Variants in TUSC3 observed in about 807,000 individuals in gnomAD.
TUSC3 encodes the protein tumor suppressor candidate 3, also known as dolichyl-diphosphooligosaccharide--protein glycosyltransferase subunit TUSC3.
Under a neutral mutation model 44.8 loss-of-function variants are expected in TUSC3, and 45 were observed. The observed-to-expected ratio is 1.00, with a 90% CI of 0.79 to 1.29. The LOEUF is 1.29. TUSC3 is among the 50% of genes most tolerant of loss of function. The probability of loss-of-function intolerance (pLI) is 0.00; values close to 1 mark genes in which losing one functional copy is unlikely to be tolerated. For synonymous variants in TUSC3, 212 were observed against 152.9 expected (o/e 1.39, Z -2.85); for missense variants, 519 against 437.9 (o/e 1.19, Z -1.65).
downstream of TUSC3, among the ~76,000 whole-genome samples, chr8:15,767,864 G>A (rs1313446571): frequency 6.6e-6 from 1 of 152,164 alleles, no homozygotes; most frequent in East Asian, 1.9e-4. Flanking sequence ...GACATACACT[G>A]AAAGCCTGGA....
chr8:15,566,043 AG>A (rs1802656863), intron 1 of TUSC3, among the ~76,000 whole-genome samples: 1 of 152,160 alleles, frequency 6.6e-6, no homozygotes, highest in South Asian at 2.1e-4. Context: ...GATTCAGAGT[AG>A]TACATTTTCC....
rs565992197 is a variant in TUSC3, at chr8:15,601,643, T to A, written c.139-21437T>A. Among the ~76,000 whole-genome samples, 7 of 151,820 alleles carry A rather than the reference T, an allele frequency of 4.6e-5. 1 individual carries two copies. Among genetic ancestry groups the A allele is most frequent in the Middle Eastern group, 3.4e-3 (1 of 294 alleles). On this transcript the variant is annotated intron_variant, in intron 1 of 10. Coordinates refer to ENST00000503731, the MANE Select transcript of TUSC3 (RefSeq NM_006765.4). ...TTAAGTTTATTACCTATTTATAAAATCTATTCTGTAGCAATAGGGCCATTG... is the reference window on the plus strand; with the variant it reads ...TTAAGTTTATTACCTATTTATAAAAACTATTCTGTAGCAATAGGGCCATTG...
intron 6 of TUSC3, among the ~76,000 whole-genome samples, chr8:15,718,346 A>G (rs141325777): frequency 2.2e-4 from 34 of 152,250 alleles, no homozygotes; most frequent in African/African-American, 7.2e-4. Context: ...AGCTTAGGTC[A>G]TTAGAAGAAT....
chr8:15,540,252 G>A (rs1301368558), upstream of TUSC3: 15 of 867,758 alleles, frequency 1.7e-5, no homozygotes, highest in African/African-American at 1.8e-5. Context: ...CGGTGAACCG[G>A]ATGCTCTGTC....
chr8:15,418,321 A>T (rs1563245877), intron 1 of TUSC3, among the ~76,000 whole-genome samples: 1 of 152,200 alleles, frequency 6.6e-6, no homozygotes, highest in Non-Finnish European at 1.5e-5. Context: ...GGTCCTTTTT[A>T]AAATATATGT....
At chr8:15,622,257 A>G (rs1251891793) in intron 1 of TUSC3, among the ~76,000 whole-genome samples, 1 of 152,118 alleles carries the variant, frequency 6.6e-6, no homozygotes, top group African/African-American at 2.4e-5. Context: ...TGTTCAAGTA[A>G]GATGAATGTT....
the TUSC3 span, among the ~76,000 whole-genome samples, chr8:15,779,681 A>G: frequency 9.2e-5 from 14 of 152,206 alleles, 1 homozygote; most frequent in Admixed American, 8.5e-4. Context: ...GAGTATCAAA[A>G]GTTAGTCTTT....
intron 1 of TUSC3, among the ~76,000 whole-genome samples, chr8:15,461,018 T>G (rs1037034191): frequency 2.0e-5 from 3 of 152,192 alleles, no homozygotes; most frequent in Non-Finnish European, 4.4e-5. Context: ...CAGGATCTTT[T>G]TAACTTCCAT....
intron 1 of TUSC3, among the ~76,000 whole-genome samples, chr8:15,430,850 G>A (rs573495855): frequency 6.6e-6 from 1 of 151,798 alleles, no homozygotes; most frequent in African/African-American, 2.4e-5. Flanking sequence ...CAAACAGAGA[G>A]CCAATTTTAT....
the TUSC3 span, among the ~76,000 whole-genome samples, chr8:15,821,785 G>T: frequency 6.7e-6 from 1 of 148,824 alleles, no homozygotes; most frequent in Admixed American, 6.7e-5. Context: ...ATACTTGTTT[G>T]TTTGTGTTTT....
intron 2 of TUSC3, among the ~76,000 whole-genome samples, chr8:15,489,214 G>T (rs1052234936): frequency 6.6e-6 from 1 of 152,154 alleles, no homozygotes; most frequent in Non-Finnish European, 1.5e-5. Context: ...GGGAAAGGCA[G>T]GACAACTTGA....
chr8:15,488,577 A>T (rs545919217), intron 2 of TUSC3, among the ~76,000 whole-genome samples: 1 of 152,132 alleles, frequency 6.6e-6, no homozygotes, highest in African/African-American at 2.4e-5. Context: ...ATAAGCCCTA[A>T]TCACCAGTGT....
chr8:15,784,291 T>A, the TUSC3 span, among the ~76,000 whole-genome samples: 4 of 152,122 alleles, frequency 2.6e-5, no homozygotes, highest in Non-Finnish European at 5.9e-5. Context: ...ATGTGAAGGT[T>A]CCTCAAAACA....
rs978733895 is a variant in TUSC3, at chr8:15,640,483, T to C, written c.309-10214T>C. Among the ~76,000 whole-genome samples the C allele has an allele frequency of 4.6e-5, 7 of 152,204 alleles. No homozygotes were observed. The East Asian group carries it at 1.3e-3, about 29-fold the overall frequency. The stretch of plus-strand genomic sequence containing the variant: ...TACTGGGGACGCCCAACACACAACC[T>C]TTTAATAATTCTGAAATGTTTTCTC... On this transcript the variant is annotated intron_variant, in intron 2 of 10. Transcript: ENST00000503731.
At chr8:15,742,060 C>G (rs906025190) in intron 7 of TUSC3, among the ~76,000 whole-genome samples, 1 of 152,158 alleles carries the variant, frequency 6.6e-6, no homozygotes, top group African/African-American at 2.4e-5. Flanking sequence ...AATTTAAAGT[C>G]TACAGACTAC....
At chr8:15,529,521 A>G (rs370270990) in intron 2 of TUSC3, among the ~76,000 whole-genome samples, 3 of 152,294 alleles carry the variant, frequency 2.0e-5, no homozygotes, top group East Asian at 3.9e-4. Context: ...AATATACAAA[A>G]TCAGTTTCAC....
chr8:15,634,038 G>C (rs537845349), intron 2 of TUSC3, among the ~76,000 whole-genome samples: 2 of 152,222 alleles, frequency 1.3e-5, no homozygotes, highest in South Asian at 4.1e-4. Flanking sequence ...TGTGATCCGA[G>C]GGCTGTATAC....
chr8:15,744,590 G>A (rs931804021), intron 8 of TUSC3, among the ~76,000 whole-genome samples: 6 of 152,034 alleles, frequency 3.9e-5, no homozygotes, highest in African/African-American at 1.4e-4. Flanking sequence ...AAATCATAGT[G>A]CTTTCTAAAT....
chr8:15,577,667 A>G (rs1367357152), intron 1 of TUSC3, among the ~76,000 whole-genome samples: 2 of 145,680 alleles, frequency 1.4e-5, no homozygotes, highest in East Asian at 2.0e-4. Context: ...TGTTCCATTG[A>G]TCTATATCTC....
Sources: gnomAD v4.1 joint callset for allele counts (sites outside exome capture counted in the v4.1 genomes callset) on GRCh38, gnomAD v4.1.1 for gene constraint, MANE v1.5 for transcripts, NCBI Gene and HGNC (gene_info 2026-07-23, HGNC 2026-07-21) for gene names.